The following LYPD6 variants were observed in gnomAD, a reference collection of about 807,000 sequenced individuals.
LYPD6 encodes the protein ly6/PLAUR domain-containing protein 6.
LYPD6 carries 15 observed loss-of-function variants against 22.7 expected under a neutral mutation model. The ratio of observed to expected loss-of-function variants is 0.66; its 90% CI spans 0.44 to 1.02. The LOEUF is 1.02. LYPD6 is among the 50% of genes least tolerant of loss of function. LYPD6 has a pLI of 0.00. For missense variants in LYPD6, 189 were observed against 208.4 expected, an observed-to-expected ratio of 0.91 and a Z score of 0.57; for synonymous variants, 72 against 77.5, an observed-to-expected ratio of 0.93 and a Z score of 0.37.
chr2:149,468,190 A>C (rs1681249612), intron 3 of LYPD6, among the ~76,000 whole-genome samples: 1 of 71,494 alleles, frequency 1.4e-5, no homozygotes, highest in Non-Finnish European at 3.3e-5. Context: ...CACACACACC[A>C]GCCACTGCTG....
At chr2:149,367,018 G>A (rs1170927297) in intron 1 of LYPD6, among the ~76,000 whole-genome samples, 1 of 152,002 alleles carries the variant, frequency 6.6e-6, no homozygotes, top group African/African-American at 2.4e-5. Flanking sequence ...CTATGTAACT[G>A]CTGAAAAACA....
intron 2 of LYPD6, 54 bp downstream of exon 2, chr2:149,437,880 G>T: frequency 6.3e-7 from 1 of 1,597,936 alleles, no homozygotes; most frequent in Non-Finnish European, 8.6e-7. Flanking sequence ...ATAAGAAGTG[G>T]TTCAAAAACT....
chr2:149,469,516 T>C (rs1239122945), intron 4 of LYPD6, among the ~76,000 whole-genome samples: 1 of 152,184 alleles, frequency 6.6e-6, no homozygotes, highest in African/African-American at 2.4e-5. Flanking sequence ...GTGGCCTTCC[T>C]GGTGGTTTGG....
chr2:149,384,950 A>C (rs930714107), intron 1 of LYPD6, among the ~76,000 whole-genome samples: 1 of 133,722 alleles, frequency 7.5e-6, no homozygotes, highest in Non-Finnish European at 1.5e-5. Flanking sequence ...TCATTGTTCA[A>C]TTCCCACCTG....
chr2:149,405,435 A>G (rs532130878), intron 1 of LYPD6, among the ~76,000 whole-genome samples: 3 of 152,246 alleles, frequency 2.0e-5, no homozygotes, highest in Admixed American at 6.5e-5. Flanking sequence ...CTATTCAGGG[A>G]TTCAACTTCT....
At chr2:149,382,766 A>AGGTTT (rs1269471714) in intron 1 of LYPD6, among the ~76,000 whole-genome samples, 1 of 47,426 alleles carries the variant, frequency 2.1e-5, no homozygotes, top group African/African-American at 2.0e-4. Flanking sequence ...GAAAAGTAGT[A>AGGTTT]GATTTGATAG....
chr2:149,392,817 A>G (rs1682341827), intron 1 of LYPD6, among the ~76,000 whole-genome samples: 1 of 152,136 alleles, frequency 6.6e-6, no homozygotes, highest in Non-Finnish European at 1.5e-5. Flanking sequence ...CAAGGTCCGG[A>G]GTTCAAGACC....
At chr2:149,361,540 C>G (rs563334682) in intron 1 of LYPD6, among the ~76,000 whole-genome samples, 1 of 152,112 alleles carries the variant, frequency 6.6e-6, no homozygotes, top group South Asian at 2.1e-4. Flanking sequence ...CTTTCTTGGT[C>G]GAGATAAACA....
chr2:149,404,351 C>G (rs1682640644), intron 1 of LYPD6, among the ~76,000 whole-genome samples: 1 of 152,166 alleles, frequency 6.6e-6, no homozygotes, highest in Non-Finnish European at 1.5e-5. Flanking sequence ...GATATTGATT[C>G]TTCCTACCCA....
intron 1 of LYPD6, among the ~76,000 whole-genome samples, chr2:149,430,960 A>G (rs1331941622): frequency 6.6e-6 from 1 of 152,162 alleles, no homozygotes; most frequent in Non-Finnish European, 1.5e-5. Flanking sequence ...GAAGGTTCAG[A>G]GTGCACCTCT....
chr2:149,483,995 C>T, the LYPD6 span, among the ~76,000 whole-genome samples: 2 of 152,164 alleles, frequency 1.3e-5, no homozygotes, highest in South Asian at 2.1e-4. Context: ...GAAGTGACCT[C>T]AGTTAAATTT....
intron 1 of LYPD6, among the ~76,000 whole-genome samples, chr2:149,401,414 C>T (rs1428070534): frequency 1.3e-5 from 2 of 152,158 alleles, no homozygotes; most frequent in Non-Finnish European, 1.5e-5. Flanking sequence ...TTCACCATTC[C>T]CCTCTATCTT....
chr2:149,382,360 T>TC (rs1682085191), intron 1 of LYPD6, among the ~76,000 whole-genome samples: 1 of 152,204 alleles, frequency 6.6e-6, no homozygotes, highest in African/African-American at 2.4e-5. Flanking sequence ...TCTCTCATGT[T>TC]CCCTTAGAGA....
At chr2:149,415,594 G>T (rs1465419790) in intron 1 of LYPD6, among the ~76,000 whole-genome samples, 1 of 152,178 alleles carries the variant, frequency 6.6e-6, no homozygotes, top group South Asian at 2.1e-4. Flanking sequence ...CACCCTTAAC[G>T]AAGGAGAGAG....
At chr2:149,378,470 TTTTTAAGTAG>T in intron 1 of LYPD6, among the ~76,000 whole-genome samples, 1 of 152,210 alleles carries the variant, frequency 6.6e-6, no homozygotes, top group East Asian at 1.9e-4. Flanking sequence ...AATTCTCCTG[TTTTTAAGTAG>T]TCAGTTTAGT....
chr2:149,454,786 T>C (rs1408578791), intron 3 of LYPD6, among the ~76,000 whole-genome samples: 1 of 152,162 alleles, frequency 6.6e-6, no homozygotes, highest in African/African-American at 2.4e-5. Flanking sequence ...GTTAACCAGA[T>C]GACATTTTTA....
intron 3 of LYPD6, among the ~76,000 whole-genome samples, chr2:149,456,729 T>C (rs1393398260): frequency 1.3e-5 from 2 of 152,170 alleles, no homozygotes; most frequent in African/African-American, 2.4e-5. Flanking sequence ...AACACCTTGA[T>C]TTTCAATTTC....
intron 1 of LYPD6, among the ~76,000 whole-genome samples, chr2:149,350,894 G>C (rs964605915): frequency 6.6e-6 from 1 of 152,194 alleles, no homozygotes; most frequent in African/African-American, 2.4e-5. Flanking sequence ...TGCCATCCTG[G>C]TGAGTGTCCA....
In LYPD6 at chr2:149,437,725, C is replaced by T. The variant is rs200569070; in HGVS notation, c.17C>T (p.Ala6Val). Residue 6 changes from alanine to valine, a missense_variant, in exon 2 of 5, where the codon GCT becomes GTT. Transcript: ENST00000334166. The stretch of plus-strand genomic sequence containing the variant: ...CAGTCTGCCATGGAACCTGGCCCTG[C>T]TCTGGCCTGGCTCCTGCTCCTGAGC... MEPGP[A>V]LAWLLLLSLL... The T allele has an allele frequency of 1.2e-6, 2 of 1,614,148 alleles. No homozygotes were observed. Among genetic ancestry groups the T allele is most frequent in the African/African-American group, 2.7e-5 (2 of 75,066 alleles).
Sources: allele counts gnomAD v4.1 joint callset (sites outside exome capture counted in the v4.1 genomes callset), GRCh38; gene constraint gnomAD v4.1.1; transcripts MANE v1.5; gene names NCBI Gene and HGNC (gene_info 2026-07-23, HGNC 2026-07-21).